PTPN4: variants seen among roughly 807,000 people sequenced by gnomAD.
PTPN4 encodes the protein tyrosine-protein phosphatase non-receptor type 4.
PTPN4 carries 49 observed loss-of-function variants against 135.5 expected under a neutral mutation model. The observed-to-expected ratio is 0.36, with a 90% CI of 0.29 to 0.46. The LOEUF (loss-of-function observed/expected upper bound fraction) is 0.46, where lower values mean the gene tolerates loss of function less well. Ranked by LOEUF, PTPN4 falls within the 20% of genes least tolerant of loss-of-function variation. PTPN4 has a pLI of 1.00. For missense variants in PTPN4, 860 were observed against 1,101.0 expected (o/e 0.78, Z 3.10); for synonymous variants, 333 against 369.9 (o/e 0.90, Z 1.14).
At chr2:119,903,579 AC>A (rs1353416750) in intron 10 of PTPN4, among the ~76,000 whole-genome samples, 2 of 151,390 alleles carry the variant, frequency 1.3e-5, no homozygotes, top group Non-Finnish European at 2.9e-5. Context: ...ACACACACAC[AC>A]ACACCTTTCA....
At chr2:119,797,856 T>C (rs1691291208) in intron 1 of PTPN4, among the ~76,000 whole-genome samples, 1 of 152,198 alleles carries the variant, frequency 6.6e-6, no homozygotes, top group Non-Finnish European at 1.5e-5. Context: ...TCCCCAGTCA[T>C]GGTGTGCATT....
At chr2:119,824,743 A>G in intron 2 of PTPN4, among the ~76,000 whole-genome samples, 1 of 152,152 alleles carries the variant, frequency 6.6e-6, no homozygotes, top group East Asian at 1.9e-4. Context: ...GCTGGAGTGC[A>G]GTGGTGTGAT....
intron 1 of PTPN4, among the ~76,000 whole-genome samples, chr2:119,795,194 C>T (rs1558727877): frequency 6.6e-6 from 1 of 152,144 alleles, no homozygotes; most frequent in African/African-American, 2.4e-5. Context: ...GCTGCTTGGT[C>T]CATGGGTGGC....
At chr2:119,923,759 A>G (rs1173417013) in intron 12 of PTPN4, among the ~76,000 whole-genome samples, 3 of 152,166 alleles carry the variant, frequency 2.0e-5, no homozygotes, top group East Asian at 3.9e-4. Context: ...ATATAGAAAC[A>G]ATTCTTGACA....
intron 2 of PTPN4, among the ~76,000 whole-genome samples, chr2:119,853,715 AAGAG>A (rs1294288736): frequency 1.3e-5 from 2 of 152,166 alleles, no homozygotes; most frequent in Non-Finnish European, 2.9e-5. Flanking sequence ...TTTATTCTTA[AAGAG>A]AAGAATAGGC....
intron 1 of PTPN4, among the ~76,000 whole-genome samples, chr2:119,790,066 A>G (rs1170892086): frequency 2.0e-5 from 3 of 152,108 alleles, no homozygotes; most frequent in Admixed American, 6.6e-5. Flanking sequence ...ATTGTGGTTG[A>G]ATAACATACT....
intron 12 of PTPN4, among the ~76,000 whole-genome samples, chr2:119,924,439 G>T (rs567632781): frequency 1.5e-4 from 23 of 151,970 alleles, no homozygotes; most frequent in African/African-American, 5.5e-4. Flanking sequence ...GCTCATAATG[G>T]TGATGATTTC....
intron 2 of PTPN4, among the ~76,000 whole-genome samples, chr2:119,859,110 T>G (rs1337317891): frequency 6.6e-6 from 1 of 152,222 alleles, no homozygotes; most frequent in African/African-American, 2.4e-5. Context: ...TCTATTACTT[T>G]GCTGAAATAA....
intron 3 of PTPN4, among the ~76,000 whole-genome samples, chr2:119,869,839 G>A (rs72836854): frequency 0.024 from 3,667 of 152,254 alleles, 65 homozygotes; most frequent in Non-Finnish European, 0.033. Flanking sequence ...TTAAAAGATC[G>A]AATGTTGACA....
intron 13 of PTPN4, among the ~76,000 whole-genome samples, chr2:119,930,800 G>A (rs1173881119): frequency 6.6e-6 from 1 of 150,912 alleles, no homozygotes; most frequent in East Asian, 1.9e-4. Context: ...AGTTAATATT[G>A]CATTTGCTTT....
intron 2 of PTPN4, among the ~76,000 whole-genome samples, chr2:119,835,013 G>A (rs966322259): frequency 1.3e-5 from 2 of 152,060 alleles, no homozygotes; most frequent in Non-Finnish European, 2.9e-5. Flanking sequence ...CATTTTCAAC[G>A]ATAGCGTCCA....
chr2:119,792,082 G>A (rs1023878298), intron 1 of PTPN4, among the ~76,000 whole-genome samples: 3 of 152,024 alleles, frequency 2.0e-5, no homozygotes, highest in Non-Finnish European at 4.4e-5. Flanking sequence ...GTTCGAATCT[G>A]CTGTTGCGCT....
At chr2:119,810,177 T>C (rs1378599920) in intron 2 of PTPN4, among the ~76,000 whole-genome samples, 186 bp downstream of exon 2, 1 of 152,220 alleles carries the variant, frequency 6.6e-6, no homozygotes, top group Non-Finnish European at 1.5e-5. Context: ...TAAAAAGTGT[T>C]GCTCACTGGA....
intron 15 of PTPN4, among the ~76,000 whole-genome samples, chr2:119,942,616 G>T (rs1679077173): frequency 6.6e-6 from 1 of 152,118 alleles, no homozygotes; most frequent in African/African-American, 2.4e-5. Context: ...TTGCCTAAGT[G>T]GTTACACTTA....
At chr2:119,943,585 T>C (rs978889493) in intron 15 of PTPN4, among the ~76,000 whole-genome samples, 19 of 127,948 alleles carry the variant, frequency 1.5e-4, no homozygotes, top group African/African-American at 5.0e-4. Flanking sequence ...TTTTTCTTTT[T>C]TTTTTTTTTT....
At chr2:119,761,500 G>A (rs534067416) in intron 1 of PTPN4, among the ~76,000 whole-genome samples, 2 of 152,140 alleles carry the variant, frequency 1.3e-5, no homozygotes, top group African/African-American at 2.4e-5. Context: ...GAAAAAACTC[G>A]TAAGCAGAAG....
intron 2 of PTPN4, among the ~76,000 whole-genome samples, chr2:119,857,104 G>C (rs1463509091): frequency 2.7e-5 from 4 of 150,886 alleles, no homozygotes; most frequent in Non-Finnish European, 5.9e-5. Flanking sequence ...TTTTTATTTT[G>C]AGACAGTCTT....
intron 2 of PTPN4, among the ~76,000 whole-genome samples, chr2:119,813,942 AG>A (rs1407737948): frequency 2.6e-5 from 4 of 152,146 alleles, no homozygotes; most frequent in Admixed American, 2.6e-4. Context: ...GATGAAAGAC[AG>A]GTTTAATTTT....
intron 2 of PTPN4, among the ~76,000 whole-genome samples, chr2:119,841,720 C>T (rs898854832): frequency 2.6e-5 from 4 of 152,110 alleles, no homozygotes; most frequent in Admixed American, 2.0e-4. Flanking sequence ...GTTTCTTCTC[C>T]CTTCCCATGC....
Sources: allele counts gnomAD v4.1 joint callset (sites outside exome capture counted in the v4.1 genomes callset), GRCh38; gene constraint gnomAD v4.1.1; transcripts MANE v1.5; gene names NCBI Gene and HGNC (gene_info 2026-07-23, HGNC 2026-07-21).